The following FBXL17 variants were observed in gnomAD, a reference collection of about 807,000 sequenced individuals.
The protein encoded by FBXL17 is F-box/LRR-repeat protein 17.
FBXL17 carries 22 observed loss-of-function variants against 66.2 expected under a neutral mutation model. The ratio of observed to expected loss-of-function variants is 0.33; its 90% CI spans 0.24 to 0.47. The LOEUF (loss-of-function observed/expected upper bound fraction) is 0.47. Ranked by LOEUF, FBXL17 falls within the 20% of genes least tolerant of loss-of-function variation. The probability of loss-of-function intolerance (pLI) is 1.00; values close to 1 mark genes in which losing one functional copy is unlikely to be tolerated. For missense variants in FBXL17, 878 were observed against 948.2 expected (o/e 0.93, Z 0.97); for synonymous variants, 474 against 400.5 (o/e 1.18, Z -2.19).
chr5:108,232,782 CATATATAT>C (rs34650348), intron 4 of FBXL17, among the ~76,000 whole-genome samples: 7 of 78,170 alleles, frequency 9.0e-5, no homozygotes, highest in African/African-American at 1.9e-4. Flanking sequence ...TAAGCTCTCA[CATATATAT>C]ATATATATAT....
At chr5:107,865,242 G>C (rs1016824992) in intron 8 of FBXL17, among the ~76,000 whole-genome samples, 1 of 152,202 alleles carries the variant, frequency 6.6e-6, no homozygotes, top group Non-Finnish European at 1.5e-5. Flanking sequence ...ATTTGTTTTG[G>C]AGGGCCAATT....
intron 6 of FBXL17, among the ~76,000 whole-genome samples, chr5:108,127,721 T>C (rs1750777788): frequency 1.3e-5 from 2 of 152,302 alleles, no homozygotes; most frequent in South Asian, 4.1e-4. Context: ...CTTGAAAGCA[T>C]AATTTTAAAC....
intron 5 of FBXL17, among the ~76,000 whole-genome samples, chr5:108,220,693 C>T (rs536285031): frequency 5.1e-4 from 77 of 152,262 alleles, no homozygotes; most frequent in African/African-American, 1.3e-3. Flanking sequence ...AGCCATTTCA[C>T]GTTGGCTTTT....
At chr5:107,878,762 T>G in intron 8 of FBXL17, 5 of 985,460 alleles carry the variant, frequency 5.1e-6, no homozygotes, top group Non-Finnish European at 6.0e-6. Context: ...GCTTTGTGTG[T>G]GGTTTGGAAC....
chr5:108,326,131 T>C (rs1457860736), intron 4 of FBXL17, among the ~76,000 whole-genome samples: 6 of 152,300 alleles, frequency 3.9e-5, no homozygotes, highest in South Asian at 4.1e-4. Flanking sequence ...CATTAATAAA[T>C]TGAGCTTCAT....
At chr5:108,326,443 TAAAA>T (rs148425904) in intron 4 of FBXL17, among the ~76,000 whole-genome samples, 1 of 146,882 alleles carries the variant, frequency 6.8e-6, no homozygotes, top group Non-Finnish European at 1.5e-5. Context: ...AAATAAAAAT[TAAAA>T]AAAAAATGAG....
At chr5:107,970,778 C>CT (rs1261081292) in intron 7 of FBXL17, among the ~76,000 whole-genome samples, 4 of 152,202 alleles carry the variant, frequency 2.6e-5, no homozygotes, top group African/African-American at 9.6e-5. Flanking sequence ...TATGGAGGCT[C>CT]TGACGGCAAG....
chr5:108,089,393 C>T (rs568192583), intron 6 of FBXL17, among the ~76,000 whole-genome samples: 1 of 152,306 alleles, frequency 6.6e-6, no homozygotes, highest in Admixed American at 6.5e-5. Context: ...AGCTGATTTT[C>T]ACTCTTAACT....
chr5:108,026,807 T>C (rs957431781), intron 6 of FBXL17, among the ~76,000 whole-genome samples: 6 of 152,194 alleles, frequency 3.9e-5, no homozygotes, highest in East Asian at 1.9e-4. Context: ...TGAGAAGTAA[T>C]GGAAGGCTAC....
Position 108,380,984 on chromosome 5 carries a change from G to C in FBXL17, c.708C>G (p.Gly236=). ...GGGGGGPAGG[G]ASPPRPPDAG... ...CGTCGGGGGGCCGGGGCGGCGAAGC[G>C]CCTCCCCCCGCAGGCCCTCCCCCGC... is the stretch of plus-strand genomic sequence containing the variant. The change falls in exon 1 of 9, where the codon GGC becomes GGG. Residue 236 remains glycine, a synonymous_variant. Coordinates refer to ENST00000542267, the MANE Select transcript of FBXL17 (RefSeq NM_001163315.3). 2.5e-6 allele frequency: 3 copies of C among 1,211,846 alleles called. No individual in the cohort carries two copies. Among genetic ancestry groups the C allele is most frequent in the Non-Finnish European group, 3.1e-6 (3 of 974,764 alleles). 75.1% of individuals were successfully genotyped at this position (1,211,846 alleles called of 1,614,324 possible).
intron 6 of FBXL17, among the ~76,000 whole-genome samples, chr5:108,025,309 G>C (rs1754759638): frequency 6.6e-6 from 1 of 152,090 alleles, no homozygotes; most frequent in African/African-American, 2.4e-5. Context: ...TTAGTATGTG[G>C]CTTGGTGAAT....
At chr5:108,320,064 T>C (rs1759546008) in intron 4 of FBXL17, among the ~76,000 whole-genome samples, 1 of 151,802 alleles carries the variant, frequency 6.6e-6, no homozygotes, top group South Asian at 2.1e-4. Flanking sequence ...TTAGAACATT[T>C]AGCATTACAA....
chr5:108,095,460 G>T (rs1029378517), intron 6 of FBXL17, among the ~76,000 whole-genome samples: 3 of 152,006 alleles, frequency 2.0e-5, no homozygotes, highest in Non-Finnish European at 4.4e-5. Context: ...TATTAACAAA[G>T]AAATTATTGA....
At chr5:108,244,479 A>C (rs1268077660) in intron 4 of FBXL17, among the ~76,000 whole-genome samples, 1 of 152,148 alleles carries the variant, frequency 6.6e-6, no homozygotes, top group African/African-American at 2.4e-5. Context: ...TCTTGTGACA[A>C]TTCCTTCAGA....
At chr5:108,015,568 T>C (rs191891950) in intron 7 of FBXL17, among the ~76,000 whole-genome samples, 1 of 152,200 alleles carries the variant, frequency 6.6e-6, no homozygotes. Flanking sequence ...ACATAAAACA[T>C]AAAATAACAT....
chr5:107,887,406 T>C (rs1247882834), intron 7 of FBXL17, among the ~76,000 whole-genome samples: 3 of 152,206 alleles, frequency 2.0e-5, no homozygotes, highest in Non-Finnish European at 4.4e-5. Context: ...GCGACCTGCA[T>C]GTGCCGTTTT....
chr5:108,241,025 A>C (rs1215895557), intron 4 of FBXL17, among the ~76,000 whole-genome samples: 1 of 152,232 alleles, frequency 6.6e-6, no homozygotes, highest in East Asian at 1.9e-4. Context: ...CTTCCCAAGA[A>C]GGATGGGTAT....
At chr5:108,222,452 T>G (rs923434915) in intron 5 of FBXL17, among the ~76,000 whole-genome samples, 1 of 152,168 alleles carries the variant, frequency 6.6e-6, no homozygotes. Context: ...TGGTCTTGGT[T>G]ACACTAAGAT....
intron 7 of FBXL17, among the ~76,000 whole-genome samples, chr5:107,898,471 ATT>A (rs1298693590): frequency 6.6e-6 from 1 of 151,878 alleles, no homozygotes; most frequent in African/African-American, 2.4e-5. Context: ...TAATAAATAT[ATT>A]TTCTCTTCCT....
Sources: gnomAD v4.1 joint callset for allele counts (sites outside exome capture counted in the v4.1 genomes callset) on GRCh38, gnomAD v4.1.1 for gene constraint, MANE v1.5 for transcripts, NCBI Gene and HGNC (gene_info 2026-07-23, HGNC 2026-07-21) for gene names.